Variants in SDC1 observed in about 807,000 individuals in gnomAD.
SDC1 encodes the protein syndecan-1.
A neutral mutation model predicts 29.7 loss-of-function variants in SDC1; 14 were observed. The ratio of observed to expected loss-of-function variants is 0.47; its 90% CI spans 0.31 to 0.74. SDC1 has a LOEUF of 0.74. Among genes scored for constraint, SDC1 ranks in the 30% least tolerant of loss-of-function variants. The pLI is 0.05. For missense variants in SDC1, 406 were observed against 400.3 expected, an observed-to-expected ratio of 1.01 and a Z score of -0.12; for synonymous variants, 204 against 175.5, an observed-to-expected ratio of 1.16 and a Z score of -1.29.
intron 1 of SDC1, among the ~76,000 whole-genome samples, chr2:20,205,990 G>T (rs1391647519): frequency 6.6e-6 from 1 of 152,252 alleles, no homozygotes; most frequent in Admixed American, 6.5e-5. Context: ...GCAGGGCTGG[G>T]CACAAGGAAC....
At chr2:20,220,398 C>T (rs1168218129) in intron 1 of SDC1, among the ~76,000 whole-genome samples, 1 of 152,110 alleles carries the variant, frequency 6.6e-6, no homozygotes, top group Non-Finnish European at 1.5e-5. Flanking sequence ...ACACACAAAT[C>T]CTGTCTCAGC....
At position 20,202,452 on chromosome 2, in the gene SDC1, C is replaced by A. The variant is rs1331818329; in HGVS notation, c.*314G>T. On this transcript the variant is annotated 3_prime_UTR_variant, in exon 5 of 5. Transcript: ENST00000254351. ...CAAAGCAGTCGGATCCCCCTCCCCT[C>A]CAGAGCTGGACCTGGGGAGAGGCTG... The A allele has an allele frequency of 5.0e-6, 3 of 600,692 alleles. No individual in the cohort carries two copies. Among genetic ancestry groups the A allele is most frequent in the Non-Finnish European group, 8.9e-6 (3 of 336,724 alleles). The allele number at this position is 600,692 out of a possible 1,614,324, so 37.2% of individuals were successfully genotyped here.
At chr2:20,223,953 G>A (rs1677905727) in intron 1 of SDC1, among the ~76,000 whole-genome samples, 2 of 152,146 alleles carry the variant, frequency 1.3e-5, no homozygotes, top group South Asian at 4.1e-4. Context: ...GCACTGGGCG[G>A]GCCAAGGGAC....
At chr2:20,219,724 G>A (rs959767051) in intron 1 of SDC1, among the ~76,000 whole-genome samples, 4 of 152,208 alleles carry the variant, frequency 2.6e-5, no homozygotes, top group Admixed American at 2.0e-4. Flanking sequence ...GGCCTCAGGG[G>A]CCCTTTCAAC....
In SDC1 at chr2:20,220,155, C is replaced by T. The variant is rs546973919; in HGVS notation, c.66+4647G>A. On this transcript the variant is annotated intron_variant, in intron 1 of 4. Coordinates refer to ENST00000254351, the MANE Select transcript of SDC1 (RefSeq NM_002997.5). ...CTGAGGGGCCATCAGTTGAACCCAACCCAGTGTTGTTTGCCTGATGGCACT... is the reference window on the plus strand; with the variant it reads ...CTGAGGGGCCATCAGTTGAACCCAATCCAGTGTTGTTTGCCTGATGGCACT... Among the ~76,000 whole-genome samples, 26 of 152,320 alleles carry T rather than the reference C, an allele frequency of 1.7e-4. No individual in the cohort carries two copies. In the South Asian group the frequency reaches 5.2e-3, roughly 30 times the overall value.
rs758852028 is a variant in SDC1 at position 20,202,329 on chromosome 2, C to T, written c.*437G>A. On this transcript the variant is annotated 3_prime_UTR_variant, in exon 5 of 5. Coordinates refer to ENST00000254351, the MANE Select transcript of SDC1 (RefSeq NM_002997.5). ...CCTGTCCCCTGCCACTCAGCGGCCA[C>T]CCCCCCAAGATGCTTGGTCCTACCA... The T allele has an allele frequency of 2.6e-6, 2 of 769,998 alleles. No homozygotes were observed. The highest frequency in any genetic ancestry group is 4.9e-5 in the East Asian group (2 of 40,950). 47.7% of individuals were successfully genotyped at this position (769,998 alleles called of 1,614,324 possible).
Position 20,206,711 on chromosome 2 carries a change from G to A in SDC1, c.67-1287C>T, listed in dbSNP as rs545524544. On this transcript the variant is annotated intron_variant, in intron 1 of 4. Coordinates refer to ENST00000254351, the MANE Select transcript of SDC1 (RefSeq NM_002997.5). The stretch of plus-strand genomic sequence containing the variant: ...CTCCGGATCCTGCCACTCACTAGAT[G>A]CGTGGTCCTGGGATGTCATTAAACT... Among the ~76,000 whole-genome samples the A allele has an allele frequency of 3.9e-5, 6 of 152,320 alleles. No homozygotes were observed. In the South Asian group the frequency reaches 1.2e-3, roughly 32 times the overall value.
At position 20,203,148 on chromosome 2, in the gene SDC1, T is replaced by C. The variant is rs1470909904; in HGVS notation, c.702A>G (p.Pro234=). 5.0e-6 allele frequency: 8 copies of C among 1,612,864 alleles called. No homozygotes were observed. Among genetic ancestry groups the C allele is most frequent in the Non-Finnish European group, 5.9e-6 (7 of 1,179,488 alleles). ...AVEPDRRNQS[P]VDQGATGASQ... ...AGGCCCCCGTGGCCCCCTGATCCAC[T>C]GGGGACTGGTTCCGGCGGTCAGGCT... Residue 234 remains proline, a synonymous_variant, in exon 4 of 5, where the codon CCA becomes CCG. Coordinates refer to ENST00000254351, the MANE Select transcript of SDC1 (RefSeq NM_002997.5).
At chr2:20,205,223 G>C (rs1226949634) in intron 2 of SDC1, 120 bp downstream of exon 2, 13 of 787,176 alleles carry the variant, frequency 1.7e-5, no homozygotes, top group Non-Finnish European at 2.9e-5. Context: ...GCTGGGTGGA[G>C]ACAGGGCAGG....
chr2:20,219,177 C>T (rs1209798922), intron 1 of SDC1, among the ~76,000 whole-genome samples: 1 of 152,106 alleles, frequency 6.6e-6, no homozygotes, highest in Admixed American at 6.5e-5. Context: ...AAGCTTGCCC[C>T]CACCCTTACA....
At chr2:20,207,279 G>T in intron 1 of SDC1, 1 of 323,160 alleles carries the variant, frequency 3.1e-6, no homozygotes, top group Non-Finnish European at 4.5e-6. Flanking sequence ...AAGGACAAAA[G>T]CTAAACTGTA....
intron 1 of SDC1, chr2:20,208,032 C>A: frequency 2.0e-6 from 2 of 985,484 alleles, no homozygotes; most frequent in Non-Finnish European, 2.4e-6. Context: ...GGGCAAGGCA[C>A]TGGCACTTCG....
chr2:20,205,412 T>C lies in SDC1; in HGVS notation c.79A>G (p.Thr27Ala), dbSNP rs1436333025. The part of the protein sequence containing the change: ...LQPALPQIVA[T>A]NLPPEDQDGS... ...TCTTGATCTTCAGGGGGCAAATTAGTAGCCACAATTTGCTGGAAAAGGATC... is the reference window on the plus strand; with the variant it reads ...TCTTGATCTTCAGGGGGCAAATTAGCAGCCACAATTTGCTGGAAAAGGATC... The change falls in exon 2 of 5, where the codon ACT becomes GCT. Residue 27 changes from threonine to alanine, a missense_variant. Transcript: ENST00000254351. The C allele has an allele frequency of 6.2e-6, 10 of 1,613,436 alleles. No homozygotes were observed. The highest frequency in any genetic ancestry group is 1.7e-5 in the Admixed American group (1 of 60,004).
chr2:20,210,679 G>A (rs1480700991), intron 1 of SDC1, among the ~76,000 whole-genome samples: 2 of 152,166 alleles, frequency 1.3e-5, no homozygotes, highest in East Asian at 3.9e-4. Context: ...CAACAAACCA[G>A]GGATAAAGAG....
intron 1 of SDC1, chr2:20,223,057 C>T: frequency 2.8e-6 from 1 of 362,592 alleles, no homozygotes; most frequent in African/African-American, 2.1e-5. Flanking sequence ...GCTTCTTGGA[C>T]CTGAAAGCCA....
At chr2:20,208,857 T>C (rs1021369353) in intron 1 of SDC1, among the ~76,000 whole-genome samples, 1 of 152,238 alleles carries the variant, frequency 6.6e-6, no homozygotes, top group African/African-American at 2.4e-5. Context: ...CAACTGTTCA[T>C]AGAACGAATC....
chr2:20,215,986 T>G (rs1677615904), intron 1 of SDC1, among the ~76,000 whole-genome samples: 1 of 152,204 alleles, frequency 6.6e-6, no homozygotes, highest in Non-Finnish European at 1.5e-5. Context: ...GGAAGACAGG[T>G]GGGCCAGAGT....
chr2:20,210,535 G>A (rs566545504), intron 1 of SDC1, among the ~76,000 whole-genome samples: 79 of 152,330 alleles, frequency 5.2e-4, no homozygotes, highest in African/African-American at 1.9e-3. Flanking sequence ...AACTTGGGCA[G>A]CGCAGGGGGC....
intron 3 of SDC1, among the ~76,000 whole-genome samples, chr2:20,203,521 T>TA (rs764178519): frequency 2.4e-4 from 37 of 152,332 alleles, no homozygotes; most frequent in Non-Finnish European, 4.6e-4. Flanking sequence ...AGCTATAAAA[T>TA]AAAAAATTGG....
Sources: allele counts gnomAD v4.1 joint callset (sites outside exome capture counted in the v4.1 genomes callset), GRCh38; gene constraint gnomAD v4.1.1; transcripts MANE v1.5; gene names NCBI Gene and HGNC (gene_info 2026-07-23, HGNC 2026-07-21).